The following TCOF1 variants were observed in gnomAD, a reference collection of about 807,000 sequenced individuals.
TCOF1 encodes the protein treacle protein.
In TCOF1, 33 loss-of-function variants were observed where a neutral mutation model predicts 149.0. The observed-to-expected ratio is 0.22, with a 90% CI of 0.17 to 0.30. TCOF1 has a LOEUF of 0.30. Ranked by LOEUF, TCOF1 falls within the 10% of genes least tolerant of loss-of-function variation. The pLI, the probability that TCOF1 is intolerant of heterozygous loss-of-function variation, is 1.00. For synonymous variants in TCOF1, 789 were observed against 738.8 expected, an observed-to-expected ratio of 1.07 and a Z score of -1.10; for missense variants, 1,728 against 1,840.7, an observed-to-expected ratio of 0.94 and a Z score of 1.12.
At position 150,393,456 on chromosome 5, in the gene TCOF1, C is replaced by A. The variant is rs747473110; in HGVS notation, c.3688C>A (p.Pro1230Thr). 7.4e-6 allele frequency: 12 copies of A among 1,614,068 alleles called. No individual in the cohort carries two copies. The highest frequency in any genetic ancestry group is 1.0e-5 in the Non-Finnish European group (12 of 1,180,052). ...AGCCACTCCCAAGCTAGACTCCAGC[C>A]CCTCAGTTTCCTCTACTCTGGCCGC... ...SKATPKLDSS[P>T]SVSSTLAAKD... The change falls in exon 23 of 27, where the codon CCC (proline) becomes ACC (threonine). Residue 1230 changes from proline (P) to threonine (T), a missense_variant. Transcript: ENST00000643257.
chr5:150,376,684 G>T, intron 14 of TCOF1, 64 bp downstream of exon 14: 2 of 1,507,508 alleles, frequency 1.3e-6, no homozygotes, highest in South Asian at 2.4e-5. Flanking sequence ...GCTGAGGATG[G>T]GCTTGACTGG....
chr5:150,382,158 C>T (rs1765348740), intron 17 of TCOF1, among the ~76,000 whole-genome samples: 1 of 150,284 alleles, frequency 6.7e-6, no homozygotes, highest in Admixed American at 6.6e-5. Flanking sequence ...GAGCAAGACT[C>T]CATCTCAAAA....
chr5:150,393,243 C>A, intron 22 of TCOF1, 129 bp from the exon 23 acceptor site: 1 of 1,130,232 alleles, frequency 8.8e-7, no homozygotes, highest in Non-Finnish European at 1.3e-6. Flanking sequence ...TGTCCACCCA[C>A]TCTGCACTGA....
At position 150,375,858 on chromosome 5, in the gene TCOF1, A is replaced by G. The variant is rs2071239; in HGVS notation, c.1842A>G (p.Ser614=). 0.16 allele frequency: 252,807 copies of G among 1,614,034 alleles called. 20,933 individuals are homozygous for G. Among genetic ancestry groups the G allele is most frequent in the African/African-American group, 0.27 (19,995 of 75,006 alleles). ...ACAACTCGGAGAGCAGCGAGGAGTC[A>G]TCGGACAGTGCGGACAGTGAGGAGG... ...PMDNSESSEE[S]SDSADSEEAP... The change falls in exon 12 of 27, where the codon TCA becomes TCG. Residue 614 remains serine (S), a synonymous_variant. Coordinates refer to ENST00000643257, the MANE Select transcript of TCOF1 (RefSeq NM_001371623.1).
At position 150,391,628 on chromosome 5, in the gene TCOF1, C is replaced by T. The variant is rs766073241; in HGVS notation, c.3268C>T (p.Pro1090Ser). 2 of 1,614,098 alleles carry T rather than the reference C, an allele frequency of 1.2e-6. No homozygotes were observed. The highest frequency in any genetic ancestry group is 1.3e-5 in the African/African-American group (1 of 75,066). The change falls in exon 20 of 27, where the codon CCT (proline) becomes TCT (serine). Residue 1090 changes from proline (P) to serine (S), a missense_variant. Physicochemically the swap from Pro to Ser is moderately conservative, Grantham distance 74. This residue lies in a region of TCOF1 where 1,696 missense variants were observed against 1,765.4 expected (regional missense o/e 0.96). Transcript: ENST00000643257. ...CCAGAAAGCCAGTGAGGCTCAGCCTCCTGTTGCCAGGACCCAGCCTTCAAG... is the reference window on the plus strand; with the variant it reads ...CCAGAAAGCCAGTGAGGCTCAGCCTTCTGTTGCCAGGACCCAGCCTTCAAG... ...LAQKASEAQPPVARTQPSSGV... is the reference protein window; with the variant it reads ...LAQKASEAQPSVARTQPSSGV...
intron 25 of TCOF1, 136 bp from the exon 26 acceptor site, chr5:150,398,885 GT>G: frequency 8.3e-7 from 1 of 1,206,900 alleles, no homozygotes; most frequent in Non-Finnish European, 1.2e-6. Flanking sequence ...CTGAACATCT[GT>G]TTGCCTCTGC....
At chr5:150,380,332 G>A (rs2150840478) in intron 17 of TCOF1, 1 of 162,906 alleles carries the variant, frequency 6.1e-6, no homozygotes, top group African/African-American at 2.4e-5. Flanking sequence ...TTCCCACCAA[G>A]GCATATGAGA....
At chr5:150,383,676 G>A in intron 17 of TCOF1, 1 of 1,497,366 alleles carries the variant, frequency 6.7e-7, no homozygotes. Flanking sequence ...ATTCATAAGA[G>A]GCTGAGGAAA....
chr5:150,372,046 C>T lies in TCOF1; in HGVS notation c.680C>T (p.Ser227Leu). 1 of 1,614,230 alleles carries T rather than the reference C, an allele frequency of 6.2e-7. No homozygotes were observed. Among genetic ancestry groups the T allele is most frequent in the South Asian group, 1.1e-5 (1 of 91,090 alleles). Residue 227 changes from serine (S) to leucine (L), a missense_variant, in exon 7 of 27, where the codon TCA becomes TTA. By Grantham distance (145) the Ser-to-Leu change is moderately radical (BLOSUM62 -2). Around this residue, in one of 2 missense-constraint regions of TCOF1, gnomAD observed 1,696 missense variants for 1,765.4 expected, o/e 0.96. Coordinates refer to ENST00000643257, the MANE Select transcript of TCOF1 (RefSeq NM_001371623.1). ...SVKPAQVKAS[S>L]VSTKESPARK... Reference sequence around the variant, plus strand: ...AAACCAGCCCAGGTCAAAGCCTCATCAGTTTCTACTAAGGAGTCTCCAGCA... The same window carrying T: ...AAACCAGCCCAGGTCAAAGCCTCATTAGTTTCTACTAAGGAGTCTCCAGCA...
rs1199117006 is a variant in TCOF1, at chr5:150,369,489, G to A, written c.566-40G>A. On this transcript the variant is annotated intron_variant, in intron 5 of 26. Transcript: ENST00000643257. ...TGCTGGGGAGGGGCAGGTGAGGCTGGAAAGGGAGTCCCTCAGTCCCCTCCG... is the reference window on the plus strand; with the variant it reads ...TGCTGGGGAGGGGCAGGTGAGGCTGAAAAGGGAGTCCCTCAGTCCCCTCCG... The A allele has an allele frequency of 8.1e-6, 13 of 1,612,782 alleles. 1 individual carries two copies. The highest frequency in any genetic ancestry group is 3.3e-4 in the Middle Eastern group (2 of 6,038).
chr5:150,391,814 A>G (rs1194931522), intron 20 of TCOF1, 143 bp from the exon 21 acceptor site: 22 of 1,158,324 alleles, frequency 1.9e-5, no homozygotes, highest in Non-Finnish European at 2.5e-5. Context: ...GAATTACAGT[A>G]CCTTTCGTAG....
chr5:150,393,112 G>C, intron 22 of TCOF1: 1 of 592,612 alleles, frequency 1.7e-6, no homozygotes, highest in Non-Finnish European at 3.0e-6. Flanking sequence ...GCAAAAGCTA[G>C]TAATTTTCCA....
intron 17 of TCOF1, among the ~76,000 whole-genome samples, chr5:150,381,529 G>A (rs1204771287): frequency 6.6e-6 from 1 of 152,238 alleles, no homozygotes; most frequent in Non-Finnish European, 1.5e-5. Flanking sequence ...AGAGGGGCTG[G>A]GCATGAAGGC....
At chr5:150,363,706 G>A (rs940053237) in intron 2 of TCOF1, among the ~76,000 whole-genome samples, 1 of 152,168 alleles carries the variant, frequency 6.6e-6, no homozygotes, top group African/African-American at 2.4e-5. Flanking sequence ...CTCTCTTGGG[G>A]GGCTACATTA....
In TCOF1 at chr5:150,372,055, C is replaced by G. The variant is rs770145297; in HGVS notation, c.689C>G (p.Thr230Ser). The change falls in exon 7 of 27, where the codon ACT (threonine) becomes AGT (serine). Residue 230 changes from threonine (T) to serine (S), a missense_variant. Coordinates refer to ENST00000643257, the MANE Select transcript of TCOF1 (RefSeq NM_001371623.1). ...CAGGTCAAAGCCTCATCAGTTTCTA[C>G]TAAGGAGTCTCCAGCAAGAAAGGCG... is the stretch of plus-strand genomic sequence containing the variant. ...PAQVKASSVSTKESPARKAAP... is the reference protein window; with the variant it reads ...PAQVKASSVSSKESPARKAAP... 10 of 1,614,244 alleles carry G rather than the reference C, an allele frequency of 6.2e-6. No individual in the cohort carries two copies. Among genetic ancestry groups the G allele is most frequent in the Non-Finnish European group, 1.7e-6 (2 of 1,180,046 alleles).
At position 150,374,613 on chromosome 5, in the gene TCOF1, C is replaced by A. The variant is rs749463438; in HGVS notation, c.1084-4C>A. The A allele has an allele frequency of 1.2e-6, 2 of 1,613,134 alleles. No individual in the cohort carries two copies. The highest frequency in any genetic ancestry group is 4.5e-5 in the East Asian group (2 of 44,842). ...GGCTGTCTCCCCTTGTCTTGTTTCT[C>A]CAGGCGAAGGCCTCAGGAAAAACCT... On this transcript the variant is annotated splice_region_variant and splice_polypyrimidine_tract_variant and intron_variant, in intron 8 of 26. Coordinates refer to ENST00000643257, the MANE Select transcript of TCOF1 (RefSeq NM_001371623.1).
intron 23 of TCOF1, 43 bp downstream of exon 23, chr5:150,393,595 G>A: frequency 6.2e-7 from 1 of 1,613,354 alleles, no homozygotes; most frequent in Non-Finnish European, 8.5e-7. Context: ...GACACAGAGG[G>A]ACAGGGCAGT....
intron 3 of TCOF1, among the ~76,000 whole-genome samples, 198 bp downstream of exon 3, chr5:150,364,450 A>G (rs1460012035): frequency 6.6e-6 from 1 of 152,128 alleles, no homozygotes; most frequent in Non-Finnish European, 1.5e-5. Context: ...TGGGGGTGCA[A>G]GGCCGAACCA....
At chr5:150,392,843 G>A (rs1767722053) in intron 22 of TCOF1, 53 bp downstream of exon 22, 1 of 1,591,758 alleles carries the variant, frequency 6.3e-7, no homozygotes, top group Admixed American at 1.7e-5. Flanking sequence ...TGGAGCCCCA[G>A]GCCAGGCTCC....
Sources: allele counts gnomAD v4.1 joint callset (sites outside exome capture counted in the v4.1 genomes callset), GRCh38; gene constraint gnomAD v4.1.1; regional missense constraint gnomAD v4.1.1; transcripts MANE v1.5; gene names NCBI Gene and HGNC (gene_info 2026-07-23, HGNC 2026-07-21).